C12orf43: variants seen among roughly 807,000 people sequenced by gnomAD.
The protein encoded by C12orf43 is chromosome 12 open reading frame 43, also known as protein CUSTOS.
C12orf43 carries 15 observed loss-of-function variants against 20.6 expected under a neutral mutation model. The observed-to-expected ratio is 0.73, with a 90% CI of 0.49 to 1.12. The LOEUF is 1.12. Ranked by LOEUF, C12orf43 falls within the 50% of genes most tolerant of loss-of-function variation. C12orf43 has a pLI of 0.00. For missense variants in C12orf43, 334 were observed against 344.4 expected, an observed-to-expected ratio of 0.97 and a Z score of 0.24; for synonymous variants, 144 against 130.8, an observed-to-expected ratio of 1.10 and a Z score of -0.69.
intron 1 of C12orf43, among the ~76,000 whole-genome samples, chr12:121,013,322 C>T (rs116106652): frequency 6.2e-4 from 94 of 152,286 alleles, no homozygotes; most frequent in South Asian, 2.3e-3. Flanking sequence ...CGTCAGGGAA[C>T]AGAAACAGTA....
rs140584786 is a variant in C12orf43, at chr12:121,002,100, G to A, written c.*2053C>T. The A allele has an allele frequency of 2.3e-3, 1,233 of 534,200 alleles. 3 individuals carry two copies. The highest frequency in any genetic ancestry group is 3.4e-3 in the Non-Finnish European group (936 of 275,502). The allele number at this position is 534,200 out of a possible 1,614,324, so 33.1% of individuals were successfully genotyped here. ...GCCCTTGTTTGGGGCAGGAGTAGCTGAGCTCACAAGGCAGCAAGGCCCGAG... is the reference window on the plus strand; with the variant it reads ...GCCCTTGTTTGGGGCAGGAGTAGCTAAGCTCACAAGGCAGCAAGGCCCGAG... On this transcript the variant is annotated 3_prime_UTR_variant, in exon 6 of 6. Transcript: ENST00000288757.
At position 121,012,427 on chromosome 12, in the gene C12orf43, G is replaced by A. The variant is rs1868455214; in HGVS notation, c.146-1281C>T. 4.3e-6 allele frequency: 3 copies of A among 702,478 alleles called. No individual in the cohort carries two copies. In the Admixed American group the frequency reaches 6.0e-5, roughly 14 times the overall value. The allele number at this position is 702,478 out of a possible 1,614,324, so 43.5% of individuals were successfully genotyped here. ...AATGAGCAGAGAAGGGACATAAACT[G>A]ACCTGGGTTTTGACAGAACATCTTT... On this transcript the variant is annotated intron_variant, in intron 1 of 5. Transcript: ENST00000288757.
At chr12:121,013,241 C>T (rs1431274285) in intron 1 of C12orf43, among the ~76,000 whole-genome samples, 1 of 152,166 alleles carries the variant, frequency 6.6e-6, no homozygotes, top group African/African-American at 2.4e-5. Context: ...GGTCTTTCGT[C>T]TTCAGCACAT....
intron 1 of C12orf43, chr12:121,012,784 G>A (rs180773350): frequency 1.4e-4 from 32 of 236,186 alleles, no homozygotes; most frequent in East Asian, 5.9e-4. Context: ...CCCAGGAGGC[G>A]GAGGTTGCAG....
chr12:121,016,171 C>T, intron 1 of C12orf43, 159 bp downstream of exon 1: 1 of 1,096,704 alleles, frequency 9.1e-7, no homozygotes, highest in South Asian at 1.3e-5. Context: ...CTCCCTACTG[C>T]ACCTGCCCAT....
At position 121,002,714 on chromosome 12, in the gene C12orf43, T is replaced by G. The variant is rs146534490; in HGVS notation, c.*1439A>C. ...TCAAGCTTCTACTTTTTAAAAAAAT[T>G]TTGTTTTGGAGACAGGGTCTCACTG... On this transcript the variant is annotated 3_prime_UTR_variant, in exon 6 of 6. Coordinates refer to ENST00000288757, the MANE Select transcript of C12orf43 (RefSeq NM_022895.3). The G allele has an allele frequency of 6.2e-6, 2 of 322,698 alleles. No homozygotes were observed. Among genetic ancestry groups the G allele is most frequent in the Non-Finnish European group, 1.2e-5 (2 of 165,190 alleles). 20.0% of individuals were successfully genotyped at this position (322,698 alleles called of 1,614,324 possible). A position where few individuals can be genotyped will look rare whatever the true frequency, so the allele number is the denominator to read the frequency against.
At chr12:121,016,225 G>A (rs753209678) in intron 1 of C12orf43, 105 bp downstream of exon 1, 2 of 1,559,372 alleles carry the variant, frequency 1.3e-6, no homozygotes, top group East Asian at 2.2e-5. Flanking sequence ...GTCTCTCGGG[G>A]AAGGAAGCCG....
In C12orf43 at chr12:121,016,358, G is replaced by A. The variant is rs1320529048; in HGVS notation, c.117C>T (p.Arg39=). 1.2e-6 allele frequency: 2 copies of A among 1,613,670 alleles called. No individual in the cohort carries two copies. Among genetic ancestry groups the A allele is most frequent in the African/African-American group, 1.3e-5 (1 of 74,938 alleles). Residue 39 remains arginine, a synonymous_variant, in exon 1 of 6, where the codon CGC becomes CGT. Coordinates refer to ENST00000288757, the MANE Select transcript of C12orf43 (RefSeq NM_022895.3). ...CTCTTGGCTTCCCTGCCACGTGCGG[G>A]CGTTGCTCCAAGCCCCAAGCCGGCA... is the stretch of plus-strand genomic sequence containing the variant. ...AAMPAWGLEQ[R]PHVAGKPRAG... is the part of the protein sequence containing the mutation.
In C12orf43 at chr12:121,000,838, T is replaced by G. The variant is rs1877408797; in HGVS notation, c.*3315A>C. 1 of 579,152 alleles carries G rather than the reference T, an allele frequency of 1.7e-6. No homozygotes were observed. Among genetic ancestry groups the G allele is most frequent in the South Asian group, 1.9e-5 (1 of 52,270 alleles). 35.9% of individuals were successfully genotyped at this position (579,152 alleles called of 1,614,324 possible). A position where few individuals can be genotyped will look rare whatever the true frequency, so the allele number is the denominator to read the frequency against. ...CGGCATCTCACCGGGGCTTCTCCAGTGTTCACACTAAGATGTACTCAGGCC... is the reference window on the plus strand; with the variant it reads ...CGGCATCTCACCGGGGCTTCTCCAGGGTTCACACTAAGATGTACTCAGGCC... On this transcript the variant is annotated 3_prime_UTR_variant, in exon 6 of 6. Coordinates refer to ENST00000288757, the MANE Select transcript of C12orf43 (RefSeq NM_022895.3).
chr12:121,003,863 G>A lies in C12orf43; in HGVS notation c.*290C>T. On this transcript the variant is annotated 3_prime_UTR_variant, in exon 6 of 6. Coordinates refer to ENST00000288757, the MANE Select transcript of C12orf43 (RefSeq NM_022895.3). Reference sequence around the variant, plus strand: ...GCCACTAGTCTCAAATAACTGGAAGGTTCCTTTTTTCCTGAGGTCATGAAA... The same window carrying A: ...GCCACTAGTCTCAAATAACTGGAAGATTCCTTTTTTCCTGAGGTCATGAAA... 1 of 490,384 alleles carries A rather than the reference G, an allele frequency of 2.0e-6. No homozygotes were observed. The highest frequency in any genetic ancestry group is 3.7e-6 in the Non-Finnish European group (1 of 271,148). The allele number at this position is 490,384 out of a possible 1,614,324, so 30.4% of individuals were successfully genotyped here.
chr12:121,010,461 A>G (rs1393328915), intron 3 of C12orf43, among the ~76,000 whole-genome samples: 1 of 152,150 alleles, frequency 6.6e-6, no homozygotes, highest in African/African-American at 2.4e-5. Context: ...AGCCTCAGTT[A>G]CCCATCTGTA....
At position 121,009,350 on chromosome 12, in the gene C12orf43, G is replaced by A. The variant is rs1210860945; in HGVS notation, c.287+1478C>T. Among the ~76,000 whole-genome samples, 4 of 152,180 alleles carry A rather than the reference G, an allele frequency of 2.6e-5. No homozygotes were observed. In the East Asian group the frequency reaches 7.7e-4, roughly 29 times the overall value. The stretch of plus-strand genomic sequence containing the variant: ...GCGCACCTGTAACCCCAGCTACTCA[G>A]GAGGCTGAGGCATGAAAATCGCTTG... On this transcript the variant is annotated intron_variant, in intron 3 of 5. Transcript: ENST00000288757.
At position 121,001,293 on chromosome 12, in the gene C12orf43, G is replaced by A; in HGVS notation, c.*2860C>T. 1 of 1,426,094 alleles carries A rather than the reference G, an allele frequency of 7.0e-7. No individual in the cohort carries two copies. Among genetic ancestry groups the A allele is most frequent in the Non-Finnish European group, 9.7e-7 (1 of 1,035,606 alleles). The allele number at this position is 1,426,094 out of a possible 1,614,324, so 88.3% of individuals were successfully genotyped here. ...GACCTGAGCCTGCCGAGCAACCGTG[G>A]CCCTTCCTGGACAGCTGTGCCTCGC... On this transcript the variant is annotated 3_prime_UTR_variant, in exon 6 of 6. Coordinates refer to ENST00000288757, the MANE Select transcript of C12orf43 (RefSeq NM_022895.3).
chr12:121,009,396 T>C (rs1024777893), intron 3 of C12orf43, among the ~76,000 whole-genome samples: 7 of 152,064 alleles, frequency 4.6e-5, no homozygotes, highest in African/African-American at 1.7e-4. Context: ...CTGGAGGTTG[T>C]TGTGAGCCGA....
At chr12:121,012,192 C>T (rs775889556) in intron 1 of C12orf43, among the ~76,000 whole-genome samples, 24 of 152,288 alleles carry the variant, frequency 1.6e-4, no homozygotes, top group South Asian at 4.1e-4. Context: ...ATGTGGGACA[C>T]AGCCTTCCAG....
Position 121,001,712 on chromosome 12 carries a change from C to T in C12orf43, c.*2441G>A, listed in dbSNP as rs1460695856. 1 of 498,118 alleles carries T rather than the reference C, an allele frequency of 2.0e-6. No homozygotes were observed. The highest frequency in any genetic ancestry group is 1.9e-5 in the African/African-American group (1 of 52,558). The allele number at this position is 498,118 out of a possible 1,614,324, so 30.9% of individuals were successfully genotyped here. ...CCAACTCCTTCCAGCTAGTGACCCA[C>T]ATGCCATTTGTACTGACCCCATCAC... On this transcript the variant is annotated 3_prime_UTR_variant, in exon 6 of 6. Transcript: ENST00000288757.
chr12:121,009,801 C>T (rs1878306516), intron 3 of C12orf43, among the ~76,000 whole-genome samples: 2 of 152,188 alleles, frequency 1.3e-5, no homozygotes, highest in Non-Finnish European at 2.9e-5. Flanking sequence ...ATCCTTGACA[C>T]CTACTTTAGG....
chr12:121,004,340 G>C lies in C12orf43; in HGVS notation c.602C>G (p.Ala201Gly). The change falls in exon 6 of 6, where the codon GCC becomes GGC. Residue 201 changes from alanine (A) to glycine (G), a missense_variant. Coordinates refer to ENST00000288757, the MANE Select transcript of C12orf43 (RefSeq NM_022895.3). This position sits in a 1 kb window ranked among gnomAD's most constrained non-coding sequence, Gnocchi z 5.6. ...GGCAGCGACAGCCGAGTCGACACTG[G>C]CCACCTTCTTGGCTTTCTTTTTCAA... is the stretch of plus-strand genomic sequence containing the variant. ...RKLKKKAKKVASVDSAVAATT... is the reference protein window; with the variant it reads ...RKLKKKAKKVGSVDSAVAATT... 3.1e-6 allele frequency: 5 copies of C among 1,614,184 alleles called. No individual in the cohort carries two copies. The highest frequency in any genetic ancestry group is 4.2e-6 in the Non-Finnish European group (5 of 1,180,036).
intron 4 of C12orf43, 113 bp downstream of exon 4, chr12:121,006,208 C>T (rs959957857): frequency 3.3e-6 from 3 of 914,848 alleles, no homozygotes; most frequent in Non-Finnish European, 5.0e-6. Flanking sequence ...AGAGAGAGTT[C>T]CTATCTCAAA....
Sources: allele counts gnomAD v4.1 joint callset (sites outside exome capture counted in the v4.1 genomes callset), GRCh38; gene constraint gnomAD v4.1.1; non-coding constraint Gnocchi (gnomAD v3.1); transcripts MANE v1.5; gene names NCBI Gene and HGNC (gene_info 2026-07-23, HGNC 2026-07-21).